Variants in PTPRT observed in about 807,000 individuals in gnomAD.
PTPRT encodes the protein protein tyrosine phosphatase receptor type T, also known as receptor-type tyrosine-protein phosphatase T.
A neutral mutation model predicts 176.8 loss-of-function variants in PTPRT; 56 were observed. The observed-to-expected ratio is 0.32, with a 90% confidence interval of 0.26 to 0.40. The LOEUF (loss-of-function observed/expected upper bound fraction) is 0.40. Among genes scored for constraint, PTPRT ranks in the 10% least tolerant of loss-of-function variants. The probability of loss-of-function intolerance (pLI) is 1.00; values close to 1 mark genes in which losing one functional copy is unlikely to be tolerated. For missense variants in PTPRT, 1,540 were observed against 1,908.2 expected, an observed-to-expected ratio of 0.81 and a Z score of 3.60; for synonymous variants, 783 against 739.0, an observed-to-expected ratio of 1.06 and a Z score of -0.96.
At chr20:42,460,261 T>C (rs1477979660) in intron 8 of PTPRT, among the ~76,000 whole-genome samples, 2 of 152,194 alleles carry the variant, frequency 1.3e-5, no homozygotes, top group Non-Finnish European at 2.9e-5. Context: ...GGGAAATGAA[T>C]GTGGATCCAG....
At chr20:42,069,989 G>A (rs1268852946), downstream of PTPRT, among the ~76,000 whole-genome samples, 1 of 152,190 alleles carries the variant, frequency 6.6e-6, no homozygotes, top group African/African-American at 2.4e-5. Context: ...AATTTCAAGA[G>A]AAAGCCACTC....
intron 11 of PTPRT, among the ~76,000 whole-genome samples, chr20:42,335,333 C>T (rs1392202419): frequency 2.0e-5 from 3 of 152,142 alleles, no homozygotes; most frequent in African/African-American, 7.2e-5. Context: ...TCCAAAAGCA[C>T]AGCACCTCCA....
chr20:42,276,544 T>G (rs1271916290), intron 13 of PTPRT, among the ~76,000 whole-genome samples: 1 of 65,558 alleles, frequency 1.5e-5, no homozygotes, highest in Non-Finnish European at 3.0e-5. Flanking sequence ...TATATATATA[T>G]ATATATATAT....
At chr20:42,548,011 C>G (rs1473191308) in intron 7 of PTPRT, among the ~76,000 whole-genome samples, 2 of 151,950 alleles carry the variant, frequency 1.3e-5, no homozygotes, top group Non-Finnish European at 2.9e-5. Flanking sequence ...AATCAACAAT[C>G]AAGAACTCCT....
intron 9 of PTPRT, among the ~76,000 whole-genome samples, chr20:42,373,777 A>G (rs981767098): frequency 2.6e-5 from 4 of 152,226 alleles, no homozygotes; most frequent in Non-Finnish European, 4.4e-5. Context: ...GTCAGATTTC[A>G]CATGCACACT....
intron 2 of PTPRT, among the ~76,000 whole-genome samples, chr20:42,819,419 A>T (rs2145648842): frequency 6.6e-6 from 1 of 152,344 alleles, no homozygotes; most frequent in African/African-American, 2.4e-5. Context: ...TGTGGAATGG[A>T]AAAACAGGTA....
chr20:42,528,711 C>T lies in PTPRT; in HGVS notation c.1154-56149G>A, dbSNP rs62205784. On this transcript the variant is annotated intron_variant, in intron 7 of 30. Coordinates refer to ENST00000373187, the MANE Select transcript of PTPRT (RefSeq NM_007050.6). ...AAACTCTGAAAAAAGTTACTAAAAACGGTTCATTATCTGAATCCTCACAGT... is the reference window on the plus strand; with the variant it reads ...AAACTCTGAAAAAAGTTACTAAAAATGGTTCATTATCTGAATCCTCACAGT... 8.0e-3 allele frequency among the ~76,000 whole-genome samples: 1,225 copies of T among 152,244 alleles called. 10 individuals are homozygous for T. Among genetic ancestry groups the T allele is most frequent in the Middle Eastern group, 0.014 (4 of 294 alleles).
chr20:42,038,677 C>T, the PTPRT span, among the ~76,000 whole-genome samples: 14 of 152,224 alleles, frequency 9.2e-5, no homozygotes, highest in East Asian at 2.7e-3. Context: ...TAGAGTCTAC[C>T]CTGTAGGGTG....
intron 7 of PTPRT, among the ~76,000 whole-genome samples, chr20:42,476,030 G>C (rs989934618): frequency 2.0e-5 from 3 of 152,176 alleles, no homozygotes; most frequent in African/African-American, 7.2e-5. Flanking sequence ...CCTTGGGCAA[G>C]GGCACTTCAT....
chr20:43,155,649 T>C (rs1338370603), intron 1 of PTPRT, among the ~76,000 whole-genome samples: 1 of 152,140 alleles, frequency 6.6e-6, no homozygotes, highest in Non-Finnish European at 1.5e-5. Context: ...TAAATTGTAT[T>C]CTTGAAAAAT....
At chr20:43,139,745 C>T (rs1223715352) in intron 1 of PTPRT, among the ~76,000 whole-genome samples, 1 of 152,158 alleles carries the variant, frequency 6.6e-6, no homozygotes, top group East Asian at 1.9e-4. Flanking sequence ...CTAGAACGCA[C>T]ATTAGAGCCC....
intron 9 of PTPRT, among the ~76,000 whole-genome samples, chr20:42,441,390 G>T (rs114745997): frequency 8.5e-4 from 130 of 152,326 alleles, no homozygotes; most frequent in African/African-American, 3.1e-3. Context: ...CAGGAACTGG[G>T]TGAGCTTGGG....
intron 7 of PTPRT, among the ~76,000 whole-genome samples, chr20:42,491,258 A>G (rs1306985595): frequency 1.3e-5 from 2 of 152,182 alleles, no homozygotes; most frequent in Non-Finnish European, 2.9e-5. Context: ...GATAACCAAG[A>G]GGGCTACTAA....
chr20:43,089,116 A>G (rs184381881), intron 1 of PTPRT, among the ~76,000 whole-genome samples: 117 of 152,318 alleles, frequency 7.7e-4, no homozygotes, highest in Admixed American at 1.2e-3. Flanking sequence ...TTACTTATTT[A>G]TTGATTTTAA....
intron 16 of PTPRT, among the ~76,000 whole-genome samples, chr20:42,163,342 A>G (rs1989691109): frequency 6.6e-6 from 1 of 152,222 alleles, no homozygotes; most frequent in Non-Finnish European, 1.5e-5. Flanking sequence ...TCTAAGATTT[A>G]GATTTATGCA....
chr20:42,724,799 CTT>C (rs1323383477), intron 6 of PTPRT, among the ~76,000 whole-genome samples: 2 of 152,104 alleles, frequency 1.3e-5, no homozygotes, highest in East Asian at 3.9e-4. Flanking sequence ...ATCTCTTCTT[CTT>C]TCTCTCTCTC....
intron 9 of PTPRT, among the ~76,000 whole-genome samples, chr20:42,359,778 T>C (rs1414870372): frequency 6.6e-6 from 1 of 152,240 alleles, no homozygotes; most frequent in Non-Finnish European, 1.5e-5. Flanking sequence ...CTTGGTTGGC[T>C]GTGCCGGGGC....
the PTPRT span, among the ~76,000 whole-genome samples, chr20:42,049,867 C>G: frequency 6.6e-6 from 1 of 152,238 alleles, no homozygotes; most frequent in Non-Finnish European, 1.5e-5. Flanking sequence ...ATCAGCATCC[C>G]TCTGCAAGTT....
At chr20:42,353,206 C>T (rs754410445) in intron 9 of PTPRT, among the ~76,000 whole-genome samples, 1 of 152,166 alleles carries the variant, frequency 6.6e-6, no homozygotes, top group East Asian at 1.9e-4. Flanking sequence ...CCAGGTAGAG[C>T]GTCCCGATGA....
Sources: allele counts gnomAD v4.1 joint callset (sites outside exome capture counted in the v4.1 genomes callset), GRCh38; gene constraint gnomAD v4.1.1; transcripts MANE v1.5; gene names NCBI Gene and HGNC (gene_info 2026-07-23, HGNC 2026-07-21).